Variants in BPI observed in about 807,000 individuals in gnomAD.
The protein encoded by BPI is bactericidal permeability-increasing protein.
BPI carries 48 observed loss-of-function variants against 57.6 expected under a neutral mutation model. The observed-to-expected ratio is 0.83, with a 90% CI of 0.66 to 1.06. BPI has a LOEUF of 1.06. BPI is among the 50% of genes least tolerant of loss of function. BPI has a pLI of 0.00. For missense variants in BPI, 651 were observed against 609.7 expected (o/e 1.07, Z -0.71); for synonymous variants, 237 against 238.2 (o/e 0.99, Z 0.05).
intron 5 of BPI, among the ~76,000 whole-genome samples, chr20:38,313,715 A>T (rs1169205915): frequency 6.6e-6 from 1 of 152,010 alleles, no homozygotes; most frequent in Non-Finnish European, 1.5e-5. Context: ...AATGGTGGGG[A>T]TGATGGTGAT....
chr20:38,323,807 T>G, intron 7 of BPI, 63 bp from the exon 8 acceptor site: 1 of 1,548,514 alleles, frequency 6.5e-7, no homozygotes, highest in Non-Finnish European at 8.8e-7. Flanking sequence ...TTTTCCTGGA[T>G]GGAGATGTTG....
chr20:38,336,999 G>A (rs1040038396), intron 14 of BPI, 147 bp from the exon 15 acceptor site: 45 of 594,688 alleles, frequency 7.6e-5, no homozygotes, highest in South Asian at 2.6e-4. Context: ...TCCGGGCAGC[G>A]AAACACTGAG....
intron 14 of BPI, 85 bp downstream of exon 14, chr20:38,335,759 A>C: frequency 7.2e-7 from 1 of 1,391,858 alleles, no homozygotes; most frequent in East Asian, 2.3e-5. Flanking sequence ...CTGCATGCCA[A>C]GCCCTGTGTG....
chr20:38,315,418 G>A (rs2076647465), intron 5 of BPI, among the ~76,000 whole-genome samples: 1 of 152,196 alleles, frequency 6.6e-6, no homozygotes, highest in Non-Finnish European at 1.5e-5. Context: ...TCTGAGGGAA[G>A]GAAGAGCCTG....
chr20:38,336,790 G>A (rs1052411870), intron 14 of BPI, among the ~76,000 whole-genome samples: 3 of 152,150 alleles, frequency 2.0e-5, no homozygotes, highest in Non-Finnish European at 4.4e-5. Flanking sequence ...TAAAAATCCT[G>A]AGTGAAGGAC....
chr20:38,304,367 TC>T lies in BPI; in HGVS notation c.130+17del. The stretch of plus-strand genomic sequence containing the variant: ...GCCTGGACTACGGTAACTGGATGCC[TC>T]CCTTCCCTCCTCTCCACCCCTGAGG... On this transcript the variant is annotated intron_variant, in intron 1 of 14. Coordinates refer to ENST00000642449, the MANE Select transcript of BPI (RefSeq NM_001725.3). 1 of 1,611,160 alleles carries T rather than the reference TC, an allele frequency of 6.2e-7. No individual in the cohort carries two copies. Among genetic ancestry groups the T allele is most frequent in the Admixed American group, 1.7e-5 (1 of 59,970 alleles).
At chr20:38,314,723 G>A (rs1257131945) in intron 5 of BPI, among the ~76,000 whole-genome samples, 1 of 145,922 alleles carries the variant, frequency 6.9e-6, no homozygotes, top group East Asian at 2.1e-4. Context: ...TGGGGATGAT[G>A]ATAATGATGG....
chr20:38,310,590 CT>C lies in BPI; in HGVS notation c.475del (p.Cys159AlafsTer23). 1 of 1,614,208 alleles carries C rather than the reference CT, an allele frequency of 6.2e-7. No homozygotes were observed. The highest frequency in any genetic ancestry group is 8.5e-7 in the Non-Finnish European group (1 of 1,180,034). On this transcript the variant is annotated frameshift_variant, in exon 4 of 15. Coordinates refer to ENST00000642449, the MANE Select transcript of BPI (RefSeq NM_001725.3). LOFTEE classifies it high-confidence loss of function. ...NPTSGKPTIT[C>X]SSCSSHINSV... ...CCACGTCAGGCAAGCCCACCATCACCTGCTCCAGCTGCAGCAGCCACATCAA... is the reference window on the plus strand; with the variant it reads ...CCACGTCAGGCAAGCCCACCATCACCGCTCCAGCTGCAGCAGCCACATCAA...
intron 12 of BPI, 107 bp downstream of exon 12, chr20:38,331,197 C>A (rs2076740942): frequency 7.4e-7 from 1 of 1,352,932 alleles, no homozygotes; most frequent in Non-Finnish European, 1.0e-6. Flanking sequence ...GGCTCATTTG[C>A]ATTTAATTTG....
At chr20:38,326,885 A>T (rs908644702) in intron 10 of BPI, among the ~76,000 whole-genome samples, 4 of 152,154 alleles carry the variant, frequency 2.6e-5, no homozygotes, top group Non-Finnish European at 4.4e-5. Flanking sequence ...TCATTTACTT[A>T]TACCTTTGTT....
intron 5 of BPI, among the ~76,000 whole-genome samples, chr20:38,316,945 T>A (rs961750776): frequency 6.6e-6 from 1 of 152,070 alleles, no homozygotes; most frequent in Non-Finnish European, 1.5e-5. Flanking sequence ...AGCTCCCACA[T>A]CTTCAGTGAA....
At chr20:38,317,597 A>G (rs756932894) in intron 5 of BPI, 97 of 713,370 alleles carry the variant, frequency 1.4e-4, no homozygotes, top group Non-Finnish European at 1.8e-4. Context: ...CTGAAGTTAC[A>G]CAAAGGTCAG....
At chr20:38,312,615 G>T (rs567976328) in intron 5 of BPI, among the ~76,000 whole-genome samples, 1 of 152,226 alleles carries the variant, frequency 6.6e-6, no homozygotes, top group Non-Finnish European at 1.5e-5. Context: ...ATGCAAATGG[G>T]TGACTTGGCC....
At chr20:38,320,364 T>A in intron 7 of BPI, 90 bp downstream of exon 7, 1 of 1,154,242 alleles carries the variant, frequency 8.7e-7, no homozygotes, top group Non-Finnish European at 1.2e-6. Flanking sequence ...CTTAACAATG[T>A]CCCCTACTTC....
Position 38,308,964 on chromosome 20 carries a change from C to T in BPI, c.280C>T (p.Gln94Ter). ...DIREFQLPSS[Q>*]ISMVPNVGLK... ...CCGTGAATTCCAGCTTCCCAGTTCC[C>T]AGATAAGCATGGTGCCCAATGTGGG... Residue 94 changes from glutamine (Q) to a stop codon, truncating the protein, a stop_gained, in exon 3 of 15, where the codon CAG becomes TAG. Transcript: ENST00000642449. LOFTEE classifies it high-confidence loss of function. 1 of 1,614,216 alleles carries T rather than the reference C, an allele frequency of 6.2e-7. No individual in the cohort carries two copies. Among genetic ancestry groups the T allele is most frequent in the African/African-American group, 1.3e-5 (1 of 75,050 alleles).
intron 12 of BPI, among the ~76,000 whole-genome samples, chr20:38,333,134 A>G (rs1230972617): frequency 2.0e-5 from 3 of 152,088 alleles, no homozygotes. Flanking sequence ...ACCAAATGAG[A>G]TTCCAAATGA....
chr20:38,306,070 G>A (rs1056685133), intron 1 of BPI, among the ~76,000 whole-genome samples: 1 of 152,054 alleles, frequency 6.6e-6, no homozygotes, highest in African/African-American at 2.4e-5. Flanking sequence ...CTCGCTCTGT[G>A]GCCCAGGCTG....
chr20:38,313,554 T>C (rs1368801205), intron 5 of BPI, among the ~76,000 whole-genome samples: 6 of 152,204 alleles, frequency 3.9e-5, no homozygotes, highest in African/African-American at 1.4e-4. Flanking sequence ...GAGAGGAGTG[T>C]TGAGATATAT....
At chr20:38,320,010 T>TGG in intron 6 of BPI, 173 bp from the exon 7 acceptor site, 1 of 609,364 alleles carries the variant, frequency 1.6e-6, no homozygotes, top group Non-Finnish European at 2.9e-6. Context: ...ATGTGGGGTG[T>TGG]GGGTTCATTT....
Sources: allele counts gnomAD v4.1 joint callset (sites outside exome capture counted in the v4.1 genomes callset), GRCh38; gene constraint gnomAD v4.1.1; transcripts MANE v1.5; gene names NCBI Gene and HGNC (gene_info 2026-07-23, HGNC 2026-07-21).